BARX2: variants seen among roughly 807,000 people sequenced by gnomAD.
BARX2 encodes the protein homeobox protein BarH-like 2.
BARX2 carries 11 observed loss-of-function variants against 25.5 expected under a neutral mutation model. The observed-to-expected ratio is 0.43, with a 90% CI of 0.27 to 0.71. The LOEUF (loss-of-function observed/expected upper bound fraction) is 0.71, where lower values mean the gene tolerates loss of function less well. BARX2 is among the 30% of genes least tolerant of loss of function. The pLI is 0.19. For missense variants in BARX2, 360 were observed against 359.9 expected (o/e 1.00, Z 0.00); for synonymous variants, 137 against 149.5 (o/e 0.92, Z 0.61).
In BARX2 at chr11:129,436,845, C is replaced by T. The variant is rs202063049; in HGVS notation, c.282C>T (p.Ala94=). The change falls in exon 2 of 4, where the codon GCC becomes GCT. Residue 94 remains alanine, a synonymous_variant. Coordinates refer to ENST00000281437, the MANE Select transcript of BARX2 (RefSeq NM_003658.5). The surrounding 1 kb of genome is among the most constrained non-coding windows in gnomAD (Gnocchi z 4.5). The part of the protein sequence containing the change: ...SHLVPATPGI[A]QALSCHQVTE... ...TGGTCCCTGCCACCCCGGGAATCGC[C>T]CAGGCACTGTCCTGCCACCAGGTCA... 7 of 1,614,060 alleles carry T rather than the reference C, an allele frequency of 4.3e-6. No homozygotes were observed. The highest frequency in any genetic ancestry group is 3.3e-4 in the Middle Eastern group (2 of 6,062).
chr11:129,444,827 T>TC (rs1277879305), intron 3 of BARX2, among the ~76,000 whole-genome samples: 2 of 151,840 alleles, frequency 1.3e-5, no homozygotes, highest in Admixed American at 1.3e-4. Flanking sequence ...CATGGTGAAG[T>TC]CCCGCCTCTA....
intron 1 of BARX2, among the ~76,000 whole-genome samples, chr11:129,399,226 A>G (rs751871537): frequency 6.6e-6 from 1 of 152,118 alleles, no homozygotes; most frequent in Non-Finnish European, 1.5e-5. Context: ...CAGCTTCTTA[A>G]TTGGATTGCT....
In BARX2 at chr11:129,376,011, C is replaced by T. The variant is rs1162148701; in HGVS notation, c.-25C>T. Reference sequence around the variant, plus strand: ...CGGGCACTCGCAGCCGCGCTCGGGCCGGCGGACGCTCGCGCCGGCTCACCA... The same window carrying T: ...CGGGCACTCGCAGCCGCGCTCGGGCTGGCGGACGCTCGCGCCGGCTCACCA... On this transcript the variant is annotated 5_prime_UTR_variant, in exon 1 of 4. Transcript: ENST00000281437. This position sits in a 1 kb window ranked among gnomAD's most constrained non-coding sequence, Gnocchi z 4.2. The T allele has an allele frequency of 7.0e-7, 1 of 1,430,110 alleles. No individual in the cohort carries two copies. 88.6% of individuals were successfully genotyped at this position (1,430,110 alleles called of 1,614,324 possible). A position where few individuals can be genotyped will look rare whatever the true frequency, so the allele number is the denominator to read the frequency against.
At chr11:129,441,623 A>G (rs529189369) in intron 2 of BARX2, among the ~76,000 whole-genome samples, 1 of 141,626 alleles carries the variant, frequency 7.1e-6, no homozygotes, top group African/African-American at 2.9e-5. Flanking sequence ...TAATTTTTGT[A>G]TTTTTAGTAG....
rs879620964 is a variant in BARX2, at chr11:129,414,065, C to CA, written c.188-22674dup. Among the ~76,000 whole-genome samples the CA allele has an allele frequency of 4.3e-3, 567 of 133,068 alleles. 6 individuals are homozygous for CA. Among genetic ancestry groups the CA allele is most frequent in the African/African-American group, 0.013 (476 of 35,666 alleles). 87.3% of individuals were successfully genotyped at this position (133,068 alleles called of 152,430 possible). On this transcript the variant is annotated intron_variant, in intron 1 of 3. Transcript: ENST00000281437. ...TGGGAGGCAGACGGAGACTCCATCT[C>CA]AAAAAAAAAAAAGAGAGAGCGGACA...
chr11:129,418,145 G>T (rs1278483548), intron 1 of BARX2, among the ~76,000 whole-genome samples: 1 of 152,192 alleles, frequency 6.6e-6, no homozygotes, highest in African/African-American at 2.4e-5. Context: ...AGCTGAGGAA[G>T]TAAATTGACT....
At chr11:129,389,346 T>C (rs986648254) in intron 1 of BARX2, among the ~76,000 whole-genome samples, 7 of 152,200 alleles carry the variant, frequency 4.6e-5, no homozygotes, top group African/African-American at 1.7e-4. Flanking sequence ...TCCAGGGCAT[T>C]TTTCTGGGTT....
rs150207263 is a variant in BARX2 at position 129,391,786 on chromosome 11, A to G, written c.187+15564A>G. On this transcript the variant is annotated intron_variant, in intron 1 of 3. Transcript: ENST00000281437. ...TATAGTAAAGTGGTAGAATTCAACA[A>G]AGTATTTTTGGGACTTTCTCTTTGC... is the stretch of plus-strand genomic sequence containing the variant. Among the ~76,000 whole-genome samples, 823 of 152,244 alleles carry G rather than the reference A, an allele frequency of 5.4e-3. 2 individuals carry two copies. Among genetic ancestry groups the G allele is most frequent in the African/African-American group, 0.019 (798 of 41,532 alleles).
intron 1 of BARX2, among the ~76,000 whole-genome samples, chr11:129,394,673 T>C (rs1316423381): frequency 1.3e-5 from 2 of 152,074 alleles, no homozygotes; most frequent in Non-Finnish European, 2.9e-5. Context: ...TTTTAAAATA[T>C]TAAATAATTT....
In BARX2 at chr11:129,376,775, G is replaced by A. The variant is rs537165599; in HGVS notation, c.187+553G>A. ...GTACATTGTCTTTGTGGCACAAGCC[G>A]AAAAGGTCACCCTCGTTTGTCTTAA... On this transcript the variant is annotated intron_variant, in intron 1 of 3. Coordinates refer to ENST00000281437, the MANE Select transcript of BARX2 (RefSeq NM_003658.5). The surrounding 1 kb of genome is among the most constrained non-coding windows in gnomAD (Gnocchi z 4.2). Among the ~76,000 whole-genome samples, 3 of 152,200 alleles carry A rather than the reference G, an allele frequency of 2.0e-5. No individual in the cohort carries two copies. The highest frequency in any genetic ancestry group is 7.2e-5 in the African/African-American group (3 of 41,534).
rs553947339 is a variant in BARX2 at position 129,415,120 on chromosome 11, A to G, written c.188-21631A>G. On this transcript the variant is annotated intron_variant, in intron 1 of 3. Coordinates refer to ENST00000281437, the MANE Select transcript of BARX2 (RefSeq NM_003658.5). ...CTCCTTTCCCCCCATTATAAACTTT[A>G]CAAGCAAGAGTGGTTTTGGTGCTTT... 2.0e-5 allele frequency among the ~76,000 whole-genome samples: 3 copies of G among 152,334 alleles called. No individual in the cohort carries two copies. In the South Asian group the frequency reaches 6.2e-4, roughly 32 times the overall value.
intron 1 of BARX2, among the ~76,000 whole-genome samples, chr11:129,396,265 C>T (rs1308909138): frequency 6.6e-6 from 1 of 152,104 alleles, no homozygotes; most frequent in Admixed American, 6.5e-5. Context: ...CTTTACAGCA[C>T]TTTTCTTCTC....
At chr11:129,412,074 C>A (rs1861894462) in intron 1 of BARX2, among the ~76,000 whole-genome samples, 1 of 152,022 alleles carries the variant, frequency 6.6e-6, no homozygotes, top group Admixed American at 6.6e-5. Flanking sequence ...AGATTGACAC[C>A]ATCCTGGCTA....
At chr11:129,384,854 G>A (rs1253621766) in intron 1 of BARX2, among the ~76,000 whole-genome samples, 1 of 152,198 alleles carries the variant, frequency 6.6e-6, no homozygotes, top group African/African-American at 2.4e-5. Context: ...ACTAGACTCA[G>A]TGCTTTTTGA....
Position 129,390,891 on chromosome 11 carries a change from C to T in BARX2, c.187+14669C>T, listed in dbSNP as rs73569113. On this transcript the variant is annotated intron_variant, in intron 1 of 3. Coordinates refer to ENST00000281437, the MANE Select transcript of BARX2 (RefSeq NM_003658.5). This position sits in a 1 kb window ranked among gnomAD's most constrained non-coding sequence, Gnocchi z 4.3. ...TACAATAATGGTATTCATGCAGTGG[C>T]GCACAGAAAATTGTGTGTACTTGAC... Among the ~76,000 whole-genome samples the T allele has an allele frequency of 0.03, 4,506 of 152,244 alleles. 224 individuals carry two copies. The highest frequency in any genetic ancestry group is 0.1 in the African/African-American group (4,261 of 41,542).
chr11:129,450,522 G>A (rs2135419234), intron 3 of BARX2, among the ~76,000 whole-genome samples: 1 of 152,182 alleles, frequency 6.6e-6, no homozygotes, highest in Admixed American at 6.5e-5. Context: ...TTCTGTCTTT[G>A]GGATTTACTA....
chr11:129,389,955 T>C, intron 1 of BARX2, among the ~76,000 whole-genome samples: 1 of 152,198 alleles, frequency 6.6e-6, no homozygotes, highest in East Asian at 1.9e-4. Flanking sequence ...GAATGTATTC[T>C]AAGTGGTAAT....
At chr11:129,425,090 G>A (rs1165265036) in intron 1 of BARX2, among the ~76,000 whole-genome samples, 2 of 152,150 alleles carry the variant, frequency 1.3e-5, no homozygotes, top group Non-Finnish European at 2.9e-5. Flanking sequence ...CAGAAGCTTC[G>A]AAATATGACC....
At chr11:129,430,563 A>G (rs1047441295) in intron 1 of BARX2, among the ~76,000 whole-genome samples, 1 of 152,128 alleles carries the variant, frequency 6.6e-6, no homozygotes, top group African/African-American at 2.4e-5. Flanking sequence ...AAAATTCACT[A>G]TTTTGGTAGA....
Sources: gnomAD v4.1 joint callset for allele counts (sites outside exome capture counted in the v4.1 genomes callset) on GRCh38, gnomAD v4.1.1 for gene constraint, Gnocchi (gnomAD v3.1) non-coding constraint, MANE v1.5 for transcripts, NCBI Gene and HGNC (gene_info 2026-07-23, HGNC 2026-07-21) for gene names.